The following GAD2 variants were observed in gnomAD, a reference collection of about 807,000 sequenced individuals.
The protein encoded by GAD2 is glutamate decarboxylase 2, also known as 65 kDa glutamic acid decarboxylase.
Under a neutral mutation model 80.1 loss-of-function variants are expected in GAD2, and 22 were observed. The observed-to-expected ratio is 0.27, with a 90% CI of 0.20 to 0.39. The LOEUF (loss-of-function observed/expected upper bound fraction) is 0.39, where lower values mean the gene tolerates loss of function less well. Ranked by LOEUF, GAD2 falls within the 10% of genes least tolerant of loss-of-function variation. GAD2 has a pLI of 1.00. For missense variants in GAD2, 624 were observed against 738.4 expected, an observed-to-expected ratio of 0.85 and a Z score of 1.80; for synonymous variants, 274 against 256.9, an observed-to-expected ratio of 1.07 and a Z score of -0.64.
intron 4 of GAD2, among the ~76,000 whole-genome samples, chr10:26,221,407 A>G (rs1458079995): frequency 1.3e-5 from 2 of 152,228 alleles, no homozygotes; most frequent in African/African-American, 4.8e-5. Flanking sequence ...GGAACACGGA[A>G]AACTGAGCAG....
At chr10:26,255,525 T>C (rs1844931791) in intron 8 of GAD2, among the ~76,000 whole-genome samples, 1 of 151,198 alleles carries the variant, frequency 6.6e-6, no homozygotes, top group Non-Finnish European at 1.5e-5. Context: ...GCTTTGTTGT[T>C]TAAAGGAGAG....
intron 7 of GAD2, among the ~76,000 whole-genome samples, chr10:26,239,282 C>T (rs2132282904): frequency 6.6e-6 from 1 of 152,272 alleles, no homozygotes; most frequent in East Asian, 1.9e-4. Context: ...CTCTGTGTTG[C>T]TTCTTTCTTC....
In GAD2 at chr10:26,304,328, G is replaced by A. The variant is rs1834358980; in HGVS notation, c.*3367G>A. The A allele has an allele frequency of 6.6e-6, 1 of 152,596 alleles. No individual in the cohort carries two copies. Among genetic ancestry groups the A allele is most frequent in the Non-Finnish European group, 1.5e-5 (1 of 68,048 alleles). The allele number at this position is 152,596 out of a possible 1,614,324, so 9.5% of individuals were successfully genotyped here. On this transcript the variant is annotated 3_prime_UTR_variant, in exon 16 of 16. Coordinates refer to ENST00000376261, the MANE Select transcript of GAD2 (RefSeq NM_001134366.2). ...TTCTCAAATGCTAAATGCAAACACT[G>A]TGTATTTATTAGTTAGGTGTGCCAA...
chr10:26,238,730 A>T (rs1000777539), intron 7 of GAD2, among the ~76,000 whole-genome samples: 1 of 152,202 alleles, frequency 6.6e-6, no homozygotes, highest in African/African-American at 2.4e-5. Context: ...TTAGAAACCA[A>T]TGAGGTGGTC....
chr10:26,227,140 G>A (rs1460189828), intron 6 of GAD2, among the ~76,000 whole-genome samples: 1 of 152,128 alleles, frequency 6.6e-6, no homozygotes, highest in Non-Finnish European at 1.5e-5. Context: ...TTACAGGCAT[G>A]CACCACCATG....
chr10:26,273,518 G>GT, intron 10 of GAD2, 118 bp from the exon 11 acceptor site: 1 of 772,664 alleles, frequency 1.3e-6, no homozygotes, highest in South Asian at 1.5e-5. Context: ...CCAGAAGGAG[G>GT]TGGTCAACTT....
intron 4 of GAD2, 67 bp from the exon 5 acceptor site, chr10:26,223,820 T>A: frequency 9.9e-7 from 1 of 1,007,886 alleles, no homozygotes; most frequent in Middle Eastern, 2.1e-4. Context: ...GCTAGAGAAA[T>A]CATGTGTTTG....
chr10:26,277,901 C>T (rs891732669), intron 11 of GAD2, among the ~76,000 whole-genome samples: 3 of 152,028 alleles, frequency 2.0e-5, no homozygotes, highest in South Asian at 2.1e-4. Flanking sequence ...AATAGCCCTG[C>T]GGGATTCAGT....
intron 5 of GAD2, 98 bp from the exon 6 acceptor site, chr10:26,224,437 AATGT>A: frequency 1.3e-6 from 1 of 773,502 alleles, no homozygotes. Context: ...AACACTTGTA[AATGT>A]ATGTTTTGAA....
intron 6 of GAD2, among the ~76,000 whole-genome samples, chr10:26,225,639 A>G (rs965110308): frequency 5.9e-5 from 9 of 152,146 alleles, no homozygotes; most frequent in African/African-American, 2.2e-4. Context: ...GATAGGGGAG[A>G]AAAGAAAAAG....
At chr10:26,293,142 T>C (rs1834237118) in intron 15 of GAD2, 151 bp downstream of exon 15, 1 of 596,288 alleles carries the variant, frequency 1.7e-6, no homozygotes. Flanking sequence ...CCAGGACATA[T>C]AGAGCCTGAT....
At chr10:26,289,730 T>C (rs1012591409) in intron 13 of GAD2, among the ~76,000 whole-genome samples, 13 of 151,876 alleles carry the variant, frequency 8.6e-5, no homozygotes, top group Non-Finnish European at 1.9e-4. Flanking sequence ...ATTTCTACGG[T>C]GGCTAAAACT....
chr10:26,219,079 T>G lies in GAD2; in HGVS notation c.323T>G (p.Leu108Trp). 6.2e-7 allele frequency: 1 copy of G among 1,601,020 alleles called. No individual in the cohort carries two copies. Among genetic ancestry groups the G allele is most frequent in the East Asian group, 2.2e-5 (1 of 44,462 alleles). ...LPACDGERPTLAFLQDVMNIL... is the reference protein window; with the variant it reads ...LPACDGERPTWAFLQDVMNIL... ...GCGTGTGATGGAGAAAGGCCCACTT[T>G]GGCGTTTCTGCAAGATGTTATGAAC... is the stretch of plus-strand genomic sequence containing the variant. Residue 108 changes from leucine to tryptophan, a missense_variant, in exon 4 of 16, where the codon TTG becomes TGG. Physicochemically the swap from Leu to Trp is moderately conservative, Grantham distance 61. Transcript: ENST00000376261.
intron 8 of GAD2, among the ~76,000 whole-genome samples, chr10:26,267,489 C>T (rs1043519303): frequency 8.5e-5 from 13 of 152,310 alleles, no homozygotes; most frequent in African/African-American, 2.6e-4. Context: ...GTCCTTTCCT[C>T]AACCACATCA....
At chr10:26,284,564 CTTTTT>C (rs35046451) in intron 12 of GAD2, among the ~76,000 whole-genome samples, 1 of 93,156 alleles carries the variant, frequency 1.1e-5, no homozygotes, top group Admixed American at 1.4e-4. Context: ...GGCTGTTCAG[CTTTTT>C]TTTTTTTTTT....
chr10:26,233,481 C>G (rs1844631878), intron 7 of GAD2, among the ~76,000 whole-genome samples: 1 of 152,172 alleles, frequency 6.6e-6, no homozygotes, highest in African/African-American at 2.4e-5. Context: ...CCCTAACCAT[C>G]CTGGACAGGT....
intron 7 of GAD2, 63 bp downstream of exon 7, chr10:26,229,840 G>T (rs902941986): frequency 1.9e-5 from 23 of 1,238,902 alleles, no homozygotes; most frequent in Non-Finnish European, 2.6e-5. Context: ...TTTAAGGAGT[G>T]ATGGCTGGAA....
At chr10:26,238,586 A>G (rs528769670) in intron 7 of GAD2, among the ~76,000 whole-genome samples, 7 of 152,354 alleles carry the variant, frequency 4.6e-5, no homozygotes, top group African/African-American at 1.4e-4. Context: ...ACCTTGATCT[A>G]CTAGTCAGAA....
At chr10:26,292,202 G>A (rs917279516) in intron 13 of GAD2, among the ~76,000 whole-genome samples, 2 of 152,180 alleles carry the variant, frequency 1.3e-5, no homozygotes, top group African/African-American at 4.8e-5. Context: ...CTCTTGAGTA[G>A]TCAAACTAAT....
Sources: gnomAD v4.1 joint callset for allele counts (sites outside exome capture counted in the v4.1 genomes callset) on GRCh38, gnomAD v4.1.1 for gene constraint, MANE v1.5 for transcripts, NCBI Gene and HGNC (gene_info 2026-07-23, HGNC 2026-07-21) for gene names.